Variants in L3MBTL4 observed in about 807,000 individuals in gnomAD.
The protein encoded by L3MBTL4 is L3MBTL histone methyl-lysine binding protein 4.
In L3MBTL4, 70 loss-of-function variants were observed where a neutral mutation model predicts 84.5. The ratio of observed to expected loss-of-function variants is 0.83; its 90% CI spans 0.68 to 1.01. L3MBTL4 has a LOEUF of 1.01. Among genes scored for constraint, L3MBTL4 ranks in the 50% least tolerant of loss-of-function variants. L3MBTL4 has a pLI of 0.00. For synonymous variants in L3MBTL4, 274 were observed against 259.8 expected, an observed-to-expected ratio of 1.05 and a Z score of -0.52; for missense variants, 715 against 754.8, an observed-to-expected ratio of 0.95 and a Z score of 0.62.
At position 6,370,498 on chromosome 18, in the gene L3MBTL4, C is replaced by CA. The variant is rs1396634893; in HGVS notation, c.-91+44302dup. ...CCGTCTATGAGCAGCTGTGGGAAACCACGCCTCCCGTTCAGCACAGCACAG... is the reference window on the plus strand; with the variant it reads ...CCGTCTATGAGCAGCTGTGGGAAACCAACGCCTCCCGTTCAGCACAGCACAG... On this transcript the variant is annotated intron_variant, in intron 1 of 18. Coordinates refer to ENST00000317931, the MANE Select transcript of L3MBTL4 (RefSeq NM_001330559.2). 2.6e-5 allele frequency among the ~76,000 whole-genome samples: 4 copies of CA among 152,280 alleles called. No homozygotes were observed. In the East Asian group the frequency reaches 7.7e-4, roughly 29 times the overall value.
intron 1 of L3MBTL4, among the ~76,000 whole-genome samples, chr18:6,339,967 G>A (rs1349904170): frequency 2.0e-5 from 3 of 151,944 alleles, no homozygotes; most frequent in African/African-American, 7.3e-5. Context: ...AGCCCAGAGA[G>A]CTTCACTAGT....
intron 16 of L3MBTL4, among the ~76,000 whole-genome samples, chr18:5,974,432 A>AAAC (rs10628171): frequency 0.67 from 100,373 of 150,832 alleles, 33,798 homozygotes; most frequent in African/African-American, 0.81. Flanking sequence ...TAGAGGCAAT[A>AAAC]AACACACTGG....
intron 16 of L3MBTL4, among the ~76,000 whole-genome samples, chr18:6,073,737 T>C (rs984304322): frequency 6.6e-6 from 1 of 152,224 alleles, no homozygotes. Context: ...GTAATTCTTT[T>C]TTCACGAACT....
intron 16 of L3MBTL4, among the ~76,000 whole-genome samples, chr18:5,992,735 C>T (rs2053761813): frequency 6.6e-6 from 1 of 152,178 alleles, no homozygotes; most frequent in African/African-American, 2.4e-5. Context: ...CCTCTTGCTC[C>T]TGCTTTTGTA....
At chr18:6,232,274 T>C (rs921699798) in intron 10 of L3MBTL4, among the ~76,000 whole-genome samples, 1 of 152,136 alleles carries the variant, frequency 6.6e-6, no homozygotes, top group Non-Finnish European at 1.5e-5. Flanking sequence ...CATATACTGT[T>C]GATTTTGGGT....
At chr18:5,976,742 G>T (rs527580693) in intron 16 of L3MBTL4, among the ~76,000 whole-genome samples, 1 of 152,280 alleles carries the variant, frequency 6.6e-6, no homozygotes, top group South Asian at 2.1e-4. Flanking sequence ...ATGAATGAAG[G>T]CTGAATGAAC....
chr18:5,982,467 T>G (rs950805653), intron 16 of L3MBTL4, among the ~76,000 whole-genome samples: 4 of 152,180 alleles, frequency 2.6e-5, no homozygotes, highest in Admixed American at 2.0e-4. Flanking sequence ...CTCTGTCACA[T>G]GAAATTCACA....
intron 12 of L3MBTL4, among the ~76,000 whole-genome samples, chr18:6,195,456 G>C (rs1381660015): frequency 1.3e-5 from 2 of 152,202 alleles, no homozygotes; most frequent in Non-Finnish European, 2.9e-5. Flanking sequence ...TTCAGTGGTA[G>C]AGTTGTGTGT....
chr18:6,315,607 G>C (rs1322640735), intron 1 of L3MBTL4, among the ~76,000 whole-genome samples: 2 of 152,102 alleles, frequency 1.3e-5, no homozygotes, highest in Admixed American at 1.3e-4. Flanking sequence ...ACAATTCTGG[G>C]GTCCCTCTTT....
At chr18:6,386,201 T>G (rs1439663933) in intron 1 of L3MBTL4, among the ~76,000 whole-genome samples, 1 of 151,910 alleles carries the variant, frequency 6.6e-6, no homozygotes, top group Non-Finnish European at 1.5e-5. Context: ...ACTTAAAGAA[T>G]GAGAAAGATT....
chr18:6,015,888 A>G (rs1300221642), intron 16 of L3MBTL4, among the ~76,000 whole-genome samples: 2 of 152,196 alleles, frequency 1.3e-5, no homozygotes, highest in African/African-American at 4.8e-5. Context: ...TGAATCCGGG[A>G]CGCGGAGGTT....
intron 13 of L3MBTL4, among the ~76,000 whole-genome samples, chr18:6,167,003 C>T (rs769937213): frequency 8.6e-5 from 13 of 151,972 alleles, no homozygotes; most frequent in Non-Finnish European, 1.3e-4. Context: ...ATATCACCAC[C>T]GATCCCACAG....
intron 5 of L3MBTL4, among the ~76,000 whole-genome samples, chr18:6,247,053 T>C (rs2047695238): frequency 2.0e-5 from 3 of 152,340 alleles, no homozygotes; most frequent in Non-Finnish European, 4.4e-5. Flanking sequence ...CTATCTCTCA[T>C]ATGTCTCTGT....
chr18:6,275,524 C>G (rs1351676612), intron 4 of L3MBTL4, among the ~76,000 whole-genome samples: 4 of 152,040 alleles, frequency 2.6e-5, no homozygotes, highest in African/African-American at 9.7e-5. Context: ...ATCGTTTCCA[C>G]TGAAAAAACA....
chr18:6,153,318 A>C (rs879942029), intron 13 of L3MBTL4, among the ~76,000 whole-genome samples: 9 of 152,168 alleles, frequency 5.9e-5, no homozygotes, highest in Admixed American at 5.9e-4. Context: ...AGTAGTATGA[A>C]TTTTAACATT....
chr18:6,123,166 A>G (rs961983589), intron 14 of L3MBTL4, among the ~76,000 whole-genome samples: 1 of 152,230 alleles, frequency 6.6e-6, no homozygotes, highest in Non-Finnish European at 1.5e-5. Flanking sequence ...CATTTGGAAT[A>G]TAGATCCTGG....
chr18:6,412,686 C>T (rs1273658749), intron 1 of L3MBTL4, among the ~76,000 whole-genome samples: 2 of 152,074 alleles, frequency 1.3e-5, no homozygotes, highest in African/African-American at 2.4e-5. Flanking sequence ...CATACGGACT[C>T]GGTCCTACGA....
chr18:6,158,905 TG>T (rs1374346583), intron 13 of L3MBTL4, among the ~76,000 whole-genome samples: 1 of 151,886 alleles, frequency 6.6e-6, no homozygotes, highest in Admixed American at 6.6e-5. Flanking sequence ...ACATACAGAG[TG>T]GCTTGGGGAT....
At chr18:6,213,022 C>G in intron 12 of L3MBTL4, 127 bp downstream of exon 12, 1 of 574,742 alleles carries the variant, frequency 1.7e-6, no homozygotes, top group Non-Finnish European at 3.0e-6. Flanking sequence ...GAACGCTTTT[C>G]CCCCCAGAAA....
Sources: allele counts gnomAD v4.1 joint callset (sites outside exome capture counted in the v4.1 genomes callset), GRCh38; gene constraint gnomAD v4.1.1; transcripts MANE v1.5; gene names NCBI Gene and HGNC (gene_info 2026-07-23, HGNC 2026-07-21).